Variants in ELK4 observed in about 807,000 individuals in gnomAD.
ELK4 encodes the protein ETS domain-containing protein Elk-4.
Under a neutral mutation model 29.6 loss-of-function variants are expected in ELK4, and 16 were observed. That is an observed-to-expected ratio of 0.54 (90% CI 0.37 to 0.82). The LOEUF (loss-of-function observed/expected upper bound fraction) is 0.82, where lower values mean the gene tolerates loss of function less well. Among genes scored for constraint, ELK4 ranks in the 40% least tolerant of loss-of-function variants. The probability of loss-of-function intolerance (pLI) is 0.00; values close to 1 mark genes in which losing one functional copy is unlikely to be tolerated. For synonymous variants in ELK4, 213 were observed against 191.1 expected, an observed-to-expected ratio of 1.11 and a Z score of -0.95; for missense variants, 465 against 507.1, an observed-to-expected ratio of 0.92 and a Z score of 0.80.
In ELK4 at chr1:205,610,880, G is replaced by A; in HGVS notation, c.*5666C>T. 3 of 229,444 alleles carry A rather than the reference G, an allele frequency of 1.3e-5. No homozygotes were observed. Among genetic ancestry groups the A allele is most frequent in the Non-Finnish European group, 2.6e-5 (3 of 115,710 alleles). 14.2% of individuals were successfully genotyped at this position (229,444 alleles called of 1,614,324 possible). A position where few individuals can be genotyped will look rare whatever the true frequency, so the allele number is the denominator to read the frequency against. ...ATGACTTGGAAAAAGAAATGGTCTA[G>A]TCTCCCAATTAAATATTTCAAAGTA... On this transcript the variant is annotated 3_prime_UTR_variant, in exon 5 of 5. Transcript: ENST00000357992.
chr1:205,623,092 A>T (rs1465944127), intron 2 of ELK4, among the ~76,000 whole-genome samples: 1 of 147,378 alleles, frequency 6.8e-6, no homozygotes, highest in Non-Finnish European at 1.5e-5. Flanking sequence ...CTGGAGGCAG[A>T]GGTTGCAGTA....
At position 205,609,204 on chromosome 1, in the gene ELK4, T is replaced by C. The variant is rs2102371693; in HGVS notation, c.*7342A>G. On this transcript the variant is annotated 3_prime_UTR_variant, in exon 5 of 5. Transcript: ENST00000357992. The stretch of plus-strand genomic sequence containing the variant: ...GTAGGGCTCATGAAAAATTATTGGT[T>C]TGTTCTTCAAAATGCAAAGTTACAT... The C allele has an allele frequency of 5.3e-6, 1 of 188,274 alleles. No homozygotes were observed. The highest frequency in any genetic ancestry group is 8.5e-5 in the East Asian group (1 of 11,774). 11.7% of individuals were successfully genotyped at this position (188,274 alleles called of 1,614,324 possible). A position where few individuals can be genotyped will look rare whatever the true frequency, so the allele number is the denominator to read the frequency against.
chr1:205,627,766 A>C (rs1251390034), intron 1 of ELK4, among the ~76,000 whole-genome samples: 1 of 152,226 alleles, frequency 6.6e-6, no homozygotes, highest in African/African-American at 2.4e-5. Context: ...GAGATAAGAA[A>C]CTGTAGTGGA....
intron 1 of ELK4, among the ~76,000 whole-genome samples, chr1:205,629,768 G>A (rs1460088084): frequency 1.3e-5 from 2 of 150,920 alleles, no homozygotes; most frequent in East Asian, 2.0e-4. Flanking sequence ...CCCTAAGACA[G>A]TTATTAAAAA....
chr1:205,616,408 T>C lies in ELK4; in HGVS notation c.*138A>G. On this transcript the variant is annotated 3_prime_UTR_variant, in exon 5 of 5. Transcript: ENST00000357992. Reference sequence around the variant, plus strand: ...CTATTCAAAGAGAATCCTAAAAAGATGTTTTCAATGGGGAATGGCAAAAAT... The same window carrying C: ...CTATTCAAAGAGAATCCTAAAAAGACGTTTTCAATGGGGAATGGCAAAAAT... The C allele has an allele frequency of 2.8e-6, 2 of 720,840 alleles. No homozygotes were observed. The highest frequency in any genetic ancestry group is 2.7e-5 in the East Asian group (1 of 36,416). The allele number at this position is 720,840 out of a possible 1,614,324, so 44.7% of individuals were successfully genotyped here.
Position 205,620,603 on chromosome 1 carries a change from G to A in ELK4, c.443C>T (p.Ser148Phe), listed in dbSNP as rs760531458. Reference sequence around the variant, plus strand: ...GTTCAAAGAGTTGAGAGTAAATGAAGAATATAAGCCAGAGTGTATGTAGTC... The same window carrying A: ...GTTCAAAGAGTTGAGAGTAAATGAAAAATATAAGCCAGAGTGTATGTAGTC... ...RNDYIHSGLY[S>F]SFTLNSLNSS... is the part of the protein sequence containing the mutation. Residue 148 changes from serine to phenylalanine, a missense_variant, in exon 3 of 5, where the codon TCT becomes TTT. Physicochemically the swap from Ser to Phe is radical, Grantham distance 155. Coordinates refer to ENST00000357992, the MANE Select transcript of ELK4 (RefSeq NM_001973.4). The A allele has an allele frequency of 6.2e-6, 10 of 1,614,136 alleles. No individual in the cohort carries two copies. The highest frequency in any genetic ancestry group is 3.3e-5 in the South Asian group (3 of 91,076).
In ELK4 at chr1:205,609,625, G is replaced by A. The variant is rs185406812; in HGVS notation, c.*6921C>T. 1.9e-3 allele frequency: 383 copies of A among 205,038 alleles called. No homozygotes were observed. The highest frequency in any genetic ancestry group is 4.9e-3 in the Middle Eastern group (3 of 616). The allele number at this position is 205,038 out of a possible 1,614,324, so 12.7% of individuals were successfully genotyped here. ...AATGAATGTACATACAAAGGCCACT[G>A]GTTAATACTGCCCCAAGTAACAAAA... On this transcript the variant is annotated 3_prime_UTR_variant, in exon 5 of 5. Coordinates refer to ENST00000357992, the MANE Select transcript of ELK4 (RefSeq NM_001973.4).
rs1670108510 is a variant in ELK4 at position 205,608,699 on chromosome 1, C to T, written c.*7847G>A. 1 of 193,550 alleles carries T rather than the reference C, an allele frequency of 5.2e-6. No individual in the cohort carries two copies. Among genetic ancestry groups the T allele is most frequent in the East Asian group, 8.2e-5 (1 of 12,210 alleles). The allele number at this position is 193,550 out of a possible 1,614,324, so 12.0% of individuals were successfully genotyped here. ...TTATCCATTCCTCTGGGTAGGTGTGCACTTACATTATATGTAAGTATCTCT... is the reference window on the plus strand; with the variant it reads ...TTATCCATTCCTCTGGGTAGGTGTGTACTTACATTATATGTAAGTATCTCT... On this transcript the variant is annotated 3_prime_UTR_variant, in exon 5 of 5. Coordinates refer to ENST00000357992, the MANE Select transcript of ELK4 (RefSeq NM_001973.4).
chr1:205,625,946 G>A (rs571648647), intron 1 of ELK4: 425 of 862,304 alleles, frequency 4.9e-4, no homozygotes, highest in Non-Finnish European at 3.2e-4. Context: ...CAAAATGCTG[G>A]GATTACAGGC....
At chr1:205,617,360 G>C (rs544593688) in intron 4 of ELK4, among the ~76,000 whole-genome samples, 1 of 152,210 alleles carries the variant, frequency 6.6e-6, no homozygotes, top group South Asian at 2.1e-4. Flanking sequence ...ATCAGAGATA[G>C]TCAACCATGA....
In ELK4 at chr1:205,620,843, A is replaced by G. The variant is rs1198905234; in HGVS notation, c.208-5T>C. The G allele has an allele frequency of 1.9e-6, 3 of 1,588,820 alleles. No homozygotes were observed. The highest frequency in any genetic ancestry group is 2.6e-6 in the Non-Finnish European group (3 of 1,172,680). ...ATTCACTTTTTTGATGATATTCTGT[A>G]GGTTAAAAAAAAAAGCATTTTTATC... On this transcript the variant is annotated splice_polypyrimidine_tract_variant and splice_region_variant and intron_variant, in intron 2 of 4. Transcript: ENST00000357992.
In ELK4 at chr1:205,612,459, T is replaced by C. The variant is rs1283610474; in HGVS notation, c.*4087A>G. The C allele has an allele frequency of 4.6e-6, 1 of 215,146 alleles. No homozygotes were observed. Among genetic ancestry groups the C allele is most frequent in the Non-Finnish European group, 9.4e-6 (1 of 106,742 alleles). The allele number at this position is 215,146 out of a possible 1,614,324, so 13.3% of individuals were successfully genotyped here. A position where few individuals can be genotyped will look rare whatever the true frequency, so the allele number is the denominator to read the frequency against. ...TTTTTTTATAACACACATATTACTT[T>C]GGTATAGCGGTATATAATTTAACAT... On this transcript the variant is annotated 3_prime_UTR_variant, in exon 5 of 5. Transcript: ENST00000357992.
At chr1:205,618,173 C>T (rs1171104451) in intron 4 of ELK4, among the ~76,000 whole-genome samples, 2 of 151,988 alleles carry the variant, frequency 1.3e-5, no homozygotes, top group Non-Finnish European at 2.9e-5. Context: ...GGGCCACAGG[C>T]ACGTGCTACC....
In ELK4 at chr1:205,620,277, A is replaced by C; in HGVS notation, c.769T>G (p.Ser257Ala). The stretch of plus-strand genomic sequence containing the variant: ...GGAGGTTCCTGCAAAGGGGGTATGG[A>C]CGAAATGGGTGGTGTGGTGGCAAAA... Reference protein sequence around the residue: ...TAFATTPPISSIPPLQEPPRT... With the variant: ...TAFATTPPISAIPPLQEPPRT... Residue 257 changes from serine to alanine, a missense_variant, in exon 3 of 5, where the codon TCC (serine) becomes GCC (alanine). Ser to Ala is a moderately conservative substitution (Grantham distance 99). This residue lies in a region of ELK4 where 385 missense variants were observed against 387.5 expected (regional missense o/e 0.99). Transcript: ENST00000357992. 3.1e-6 allele frequency: 5 copies of C among 1,614,150 alleles called. No homozygotes were observed. Among genetic ancestry groups the C allele is most frequent in the Non-Finnish European group, 4.2e-6 (5 of 1,180,026 alleles).
Position 205,615,421 on chromosome 1 carries a change from T to C in ELK4, c.*1125A>G, listed in dbSNP as rs1244150119. On this transcript the variant is annotated 3_prime_UTR_variant, in exon 5 of 5. Coordinates refer to ENST00000357992, the MANE Select transcript of ELK4 (RefSeq NM_001973.4). Reference sequence around the variant, plus strand: ...AAAAAAAAAAAAAAAAAAAAGGAAATAAGCACATCTTCGCTCCTGACTGGG... The same window carrying C: ...AAAAAAAAAAAAAAAAAAAAGGAAACAAGCACATCTTCGCTCCTGACTGGG... 8.9e-6 allele frequency: 1 copy of C among 112,658 alleles called. No individual in the cohort carries two copies. Among genetic ancestry groups the C allele is most frequent in the African/African-American group, 3.4e-5 (1 of 29,190 alleles). The allele number at this position is 112,658 out of a possible 1,614,324, so 7.0% of individuals were successfully genotyped here.
rs1375160155 is a variant in ELK4, at chr1:205,616,253, CA to C, written c.*292del. ...AAGCCCACCAAAAACTTCTTCAGCA[CA>C]AAGCTCAAAATATTTTTAAAGGAGA... On this transcript the variant is annotated 3_prime_UTR_variant, in exon 5 of 5. Transcript: ENST00000357992. 1.3e-5 allele frequency: 4 copies of C among 309,384 alleles called. No homozygotes were observed. In the East Asian group the frequency reaches 1.8e-4, roughly 14 times the overall value. The allele number at this position is 309,384 out of a possible 1,614,324, so 19.2% of individuals were successfully genotyped here.
intron 1 of ELK4, among the ~76,000 whole-genome samples, chr1:205,631,136 G>T (rs1670575396): frequency 1.3e-5 from 2 of 152,202 alleles, no homozygotes; most frequent in South Asian, 2.1e-4. Context: ...AAAGAGGGGC[G>T]GGGGGCCGCT....
chr1:205,627,742 T>C (rs2185811), intron 1 of ELK4, among the ~76,000 whole-genome samples: 18,328 of 152,200 alleles, frequency 0.12, 1,334 homozygotes, highest in East Asian at 0.34. Flanking sequence ...CTATACCTAC[T>C]TCCAAAAAGG....
intron 4 of ELK4, among the ~76,000 whole-genome samples, chr1:205,617,261 T>C (rs951314354): frequency 1.8e-4 from 28 of 152,090 alleles, no homozygotes; most frequent in Non-Finnish European, 7.4e-5. Context: ...TGGCAAAAAA[T>C]AAAAAGCAGA....
Sources: gnomAD v4.1 joint callset for allele counts (sites outside exome capture counted in the v4.1 genomes callset) on GRCh38, gnomAD v4.1.1 for gene constraint, gnomAD v4.1.1 regional missense constraint, MANE v1.5 for transcripts, NCBI Gene and HGNC (gene_info 2026-07-23, HGNC 2026-07-21) for gene names.